Variants in SCPEP1 observed in about 807,000 individuals in gnomAD.
SCPEP1 encodes retinoid-inducible serine carboxypeptidase.
Under a neutral mutation model 63.8 loss-of-function variants are expected in SCPEP1, and 51 were observed. The ratio of observed to expected loss-of-function variants is 0.80; its 90% confidence interval spans 0.64 to 1.01. The LOEUF (loss-of-function observed/expected upper bound fraction) is 1.01, where lower values mean the gene tolerates loss of function less well. SCPEP1 is among the 50% of genes least tolerant of loss of function. SCPEP1 has a pLI of 0.00. For missense variants in SCPEP1, 499 were observed against 554.9 expected, an observed-to-expected ratio of 0.90 and a Z score of 1.01; for synonymous variants, 204 against 207.8, an observed-to-expected ratio of 0.98 and a Z score of 0.16.
In SCPEP1 at chr17:56,987,864, C is replaced by T. The variant is rs763807615; in HGVS notation, c.471+14C>T. 4 of 1,613,552 alleles carry T rather than the reference C, an allele frequency of 2.5e-6. No individual in the cohort carries two copies. In the Admixed American group the frequency reaches 6.7e-5, roughly 27 times the overall value. On this transcript the variant is annotated intron_variant, in intron 4 of 12. Transcript: ENST00000262288. The stretch of plus-strand genomic sequence containing the variant: ...AAAGAATTCCAGGTAAGCAAAGACT[C>T]AGGAACAGCTAAGTAAAGGGCTGGC...
chr17:56,987,520 T>C, intron 3 of SCPEP1, 175 bp from the exon 4 acceptor site: 2 of 551,982 alleles, frequency 3.6e-6, no homozygotes, highest in Non-Finnish European at 5.7e-6. Context: ...GTTTTTGTTT[T>C]TTTTTCTATG....
At chr17:56,995,877 A>G (rs1263379850) in intron 8 of SCPEP1, 1 of 42,290 alleles carries the variant, frequency 2.4e-5, no homozygotes, top group African/African-American at 1.3e-4. Flanking sequence ...GGATTCTATT[A>G]AAAAAAAAAA....
At chr17:57,004,316 C>T (rs1567871213) in intron 12 of SCPEP1, among the ~76,000 whole-genome samples, 1 of 152,152 alleles carries the variant, frequency 6.6e-6, no homozygotes, top group African/African-American at 2.4e-5. Context: ...ATTGATTGAG[C>T]CTGAAAGCTT....
intron 12 of SCPEP1, 35 bp downstream of exon 12, chr17:57,002,216 A>G: frequency 6.2e-7 from 1 of 1,604,454 alleles, no homozygotes; most frequent in Non-Finnish European, 8.5e-7. Flanking sequence ...CTTAAAAATC[A>G]TCCTGAGAGG....
chr17:56,988,357 C>T (rs1911287937), intron 5 of SCPEP1, 67 bp downstream of exon 5: 2 of 1,191,572 alleles, frequency 1.7e-6, no homozygotes, highest in Non-Finnish European at 2.5e-6. Flanking sequence ...TTTATGTACT[C>T]ACGTGCTATT....
At chr17:57,002,577 C>T (rs149224298) in intron 12 of SCPEP1, among the ~76,000 whole-genome samples, 244 of 152,254 alleles carry the variant, frequency 1.6e-3, no homozygotes, top group African/African-American at 5.6e-3. Flanking sequence ...TGTGGTAGCA[C>T]ATGTCTGTAA....
chr17:56,996,977 A>G lies in SCPEP1; in HGVS notation c.802A>G (p.Asn268Asp), dbSNP rs765645950. 6.2e-7 allele frequency: 1 copy of G among 1,604,184 alleles called. No individual in the cohort carries two copies. Among genetic ancestry groups the G allele is most frequent in the Non-Finnish European group, 8.5e-7 (1 of 1,176,356 alleles). Residue 268 changes from asparagine (N) to aspartate (D), a missense_variant, in exon 9 of 13, where the codon AAC (asparagine) becomes GAC (aspartate). Asn to Asp is a conservative substitution (Grantham distance 23, BLOSUM62 1). Coordinates refer to ENST00000262288, the MANE Select transcript of SCPEP1 (RefSeq NM_021626.3). ...TATATTTCAGAACACAGATGGGGTG[A>G]ACTTCTATAACATCTTAACTAAAAG... Reference protein sequence around the residue: ...MIIEQNTDGVNFYNILTKSTP... With the variant: ...MIIEQNTDGVDFYNILTKSTP...
At chr17:56,979,208 G>C (rs1910999710) in intron 1 of SCPEP1, among the ~76,000 whole-genome samples, 1 of 152,100 alleles carries the variant, frequency 6.6e-6, no homozygotes, top group African/African-American at 2.4e-5. Flanking sequence ...AGGCTGGTCT[G>C]GAACTGCCTG....
intron 8 of SCPEP1, among the ~76,000 whole-genome samples, chr17:56,996,484 C>T (rs1051506533): frequency 2.6e-5 from 4 of 151,698 alleles, no homozygotes; most frequent in African/African-American, 4.8e-5. Context: ...GGATTATAGG[C>T]GTGAGCCACC....
chr17:57,006,326 G>A lies in SCPEP1; in HGVS notation c.*91G>A, dbSNP rs889413667. ...GCTGTAGGAAGCGCCATTCTTCCCT[G>A]TATCTAACTGGGGCTGTGATCAAGA... is the stretch of plus-strand genomic sequence containing the variant. On this transcript the variant is annotated 3_prime_UTR_variant, in exon 13 of 13. Coordinates refer to ENST00000262288, the MANE Select transcript of SCPEP1 (RefSeq NM_021626.3). 3 of 889,986 alleles carry A rather than the reference G, an allele frequency of 3.4e-6. No individual in the cohort carries two copies. The highest frequency in any genetic ancestry group is 1.7e-6 in the Non-Finnish European group (1 of 592,366). The allele number at this position is 889,986 out of a possible 1,614,324, so 55.1% of individuals were successfully genotyped here.
chr17:56,983,623 C>T (rs941143503), intron 2 of SCPEP1: 5 of 152,114 alleles, frequency 3.3e-5, no homozygotes, highest in Non-Finnish European at 7.3e-5. Context: ...AATAGGACTG[C>T]GGTTAACATC....
chr17:57,004,583 T>A (rs967145828), intron 12 of SCPEP1, among the ~76,000 whole-genome samples: 4 of 152,224 alleles, frequency 2.6e-5, no homozygotes, highest in Non-Finnish European at 5.9e-5. Flanking sequence ...ATTTTTTTTT[T>A]ATTTTGGAAT....
At chr17:57,001,122 A>T (rs1911729177) in intron 11 of SCPEP1, 130 bp downstream of exon 11, 8 of 975,262 alleles carry the variant, frequency 8.2e-6, no homozygotes, top group Admixed American at 5.5e-5. Context: ...TTCCCATTAC[A>T]TCCGTCTACC....
intron 6 of SCPEP1, among the ~76,000 whole-genome samples, chr17:56,992,687 T>G (rs1285670215): frequency 1.3e-5 from 2 of 152,172 alleles, no homozygotes; most frequent in African/African-American, 4.8e-5. Flanking sequence ...ATGCTATCAT[T>G]ATCCTAATTT....
intron 10 of SCPEP1, 134 bp from the exon 11 acceptor site, chr17:57,000,721 T>G: frequency 7.8e-6 from 8 of 1,027,246 alleles, no homozygotes; most frequent in Non-Finnish European, 1.0e-5. Context: ...TCTGGGCTGG[T>G]TCATCCCTGT....
At chr17:57,003,997 G>C (rs1447008593) in intron 12 of SCPEP1, among the ~76,000 whole-genome samples, 1 of 152,162 alleles carries the variant, frequency 6.6e-6, no homozygotes. Flanking sequence ...TCAGGAGTAT[G>C]AGACCAGCTT....
intron 12 of SCPEP1, among the ~76,000 whole-genome samples, chr17:57,003,676 C>T (rs1463496193): frequency 6.6e-6 from 1 of 152,110 alleles, no homozygotes; most frequent in Non-Finnish European, 1.5e-5. Context: ...GTGGCATCCC[C>T]AAAGCAGGGA....
At chr17:57,000,712 C>G (rs1911712519) in intron 10 of SCPEP1, 143 bp from the exon 11 acceptor site, 2 of 905,708 alleles carry the variant, frequency 2.2e-6, no homozygotes, top group East Asian at 5.1e-5. Flanking sequence ...GCACAAATTT[C>G]TGGGCTGGTT....
chr17:56,992,612 C>T (rs932389023), intron 6 of SCPEP1, among the ~76,000 whole-genome samples: 3 of 152,160 alleles, frequency 2.0e-5, no homozygotes, highest in Non-Finnish European at 4.4e-5. Context: ...CTCAGTTTCA[C>T]AGTAGCACTA....
Sources: allele counts gnomAD v4.1 joint callset (sites outside exome capture counted in the v4.1 genomes callset), GRCh38; gene constraint gnomAD v4.1.1; transcripts MANE v1.5; gene names NCBI Gene and HGNC (gene_info 2026-07-23, HGNC 2026-07-21).